ZNF704: variants seen among roughly 807,000 people sequenced by gnomAD.
ZNF704 encodes glucocorticoid induced gene 1.
Under a neutral mutation model 44.7 loss-of-function variants are expected in ZNF704, and 10 were observed. The ratio of observed to expected loss-of-function variants is 0.22; its 90% CI spans 0.14 to 0.38. The LOEUF is 0.38. Ranked by LOEUF, ZNF704 falls within the 10% of genes least tolerant of loss-of-function variation. The pLI, the probability that ZNF704 is intolerant of heterozygous loss-of-function variation, is 1.00. For missense variants in ZNF704, 390 were observed against 545.5 expected (o/e 0.71, Z 2.84); for synonymous variants, 211 against 207.6 (o/e 1.02, Z -0.14).
chr8:80,780,212 G>C (rs910276381), intron 2 of ZNF704, among the ~76,000 whole-genome samples: 1 of 152,084 alleles, frequency 6.6e-6, no homozygotes, highest in African/African-American at 2.4e-5. Flanking sequence ...AGAAGAAAGA[G>C]AAAGAAATGG....
chr8:80,872,990 C>T (rs928380434), intron 1 of ZNF704, among the ~76,000 whole-genome samples: 1 of 152,124 alleles, frequency 6.6e-6, no homozygotes, highest in Non-Finnish European at 1.5e-5. Context: ...TTGGATTTTG[C>T]TGTACTGGGT....
chr8:80,647,118 C>T (rs1817845658), intron 7 of ZNF704, among the ~76,000 whole-genome samples: 1 of 152,224 alleles, frequency 6.6e-6, no homozygotes, highest in Non-Finnish European at 1.5e-5. Flanking sequence ...GTGAACAAAA[C>T]AAATTCTCTG....
chr8:80,703,623 C>T (rs773875281), intron 2 of ZNF704, among the ~76,000 whole-genome samples: 8 of 152,140 alleles, frequency 5.3e-5, no homozygotes, highest in Non-Finnish European at 5.9e-5. Context: ...TACAGGCAAA[C>T]GCCACCATGC....
intron 1 of ZNF704, among the ~76,000 whole-genome samples, chr8:80,842,709 T>C (rs748293477): frequency 1.2e-4 from 18 of 152,198 alleles, no homozygotes; most frequent in Non-Finnish European, 2.1e-4. Context: ...TGGGGAGCCA[T>C]CAGTGTCTCT....
At chr8:80,795,496 T>C (rs1043726051) in intron 2 of ZNF704, among the ~76,000 whole-genome samples, 4 of 152,068 alleles carry the variant, frequency 2.6e-5, no homozygotes, top group Non-Finnish European at 5.9e-5. Context: ...GCCAAATATA[T>C]CCAGGACTGA....
At chr8:80,650,922 T>G (rs1817906995) in intron 7 of ZNF704, among the ~76,000 whole-genome samples, 1 of 152,166 alleles carries the variant, frequency 6.6e-6, no homozygotes. Context: ...GAGAGAAAGG[T>G]TGGGTTACCC....
intron 1 of ZNF704, among the ~76,000 whole-genome samples, chr8:80,869,611 T>C (rs575609794): frequency 2.0e-5 from 3 of 152,230 alleles, no homozygotes; most frequent in Non-Finnish European, 4.4e-5. Flanking sequence ...TTTCCTCCTG[T>C]AGTTTTTTCT....
At chr8:80,835,543 A>G (rs1234090770) in intron 1 of ZNF704, among the ~76,000 whole-genome samples, 1 of 152,226 alleles carries the variant, frequency 6.6e-6, no homozygotes, top group Admixed American at 6.5e-5. Context: ...AGTCAGTTAC[A>G]TATTCATCTT....
rs996865470 is a variant in ZNF704, at chr8:80,639,407, A to T, written c.*1959T>A. 2 of 152,182 alleles carry T rather than the reference A, an allele frequency of 1.3e-5. No homozygotes were observed. The highest frequency in any genetic ancestry group is 4.8e-5 in the African/African-American group (2 of 41,416). The allele number at this position is 152,182 out of a possible 1,614,324, so 9.4% of individuals were successfully genotyped here. A position where few individuals can be genotyped will look rare whatever the true frequency, so the allele number is the denominator to read the frequency against. ...ACGTGTTAGAGTAGAGGAAACAAAC[A>T]CATTTCTGCGTTTAAAAAAATGCCA... is the stretch of plus-strand genomic sequence containing the variant. On this transcript the variant is annotated 3_prime_UTR_variant, in exon 9 of 9. Transcript: ENST00000327835.
chr8:80,669,429 C>A (rs1028496520), intron 5 of ZNF704, among the ~76,000 whole-genome samples: 3 of 152,150 alleles, frequency 2.0e-5, no homozygotes, highest in Non-Finnish European at 4.4e-5. Flanking sequence ...ATCTCCAGTG[C>A]TCTCCAGGCC....
chr8:80,782,656 G>A (rs1807548881), intron 2 of ZNF704, among the ~76,000 whole-genome samples: 1 of 152,212 alleles, frequency 6.6e-6, no homozygotes, highest in East Asian at 1.9e-4. Flanking sequence ...ACCAGAAGAG[G>A]AGGACGACCA....
chr8:80,882,758 A>G, the ZNF704 span, among the ~76,000 whole-genome samples: 2 of 152,002 alleles, frequency 1.3e-5, no homozygotes, highest in Admixed American at 6.5e-5. Context: ...AACGACTACT[A>G]TTTTTTTACT....
At chr8:80,718,387 C>T (rs1373247732) in intron 2 of ZNF704, among the ~76,000 whole-genome samples, 1 of 152,198 alleles carries the variant, frequency 6.6e-6, no homozygotes, top group Non-Finnish European at 1.5e-5. Flanking sequence ...CTGTCTCCAT[C>T]CCCTTTATCA....
chr8:80,809,023 G>A (rs565105468), intron 2 of ZNF704, among the ~76,000 whole-genome samples: 2 of 152,328 alleles, frequency 1.3e-5, no homozygotes, highest in Non-Finnish European at 2.9e-5. Context: ...TGGGTGCGGT[G>A]CCTGACATCT....
chr8:80,778,116 A>G (rs925754140), intron 2 of ZNF704, among the ~76,000 whole-genome samples: 2 of 152,148 alleles, frequency 1.3e-5, no homozygotes, highest in Non-Finnish European at 2.9e-5. Context: ...TGCAAACCAC[A>G]CATCTGATAA....
chr8:80,757,866 G>A (rs942061536), intron 2 of ZNF704, among the ~76,000 whole-genome samples: 3 of 152,178 alleles, frequency 2.0e-5, no homozygotes, highest in Non-Finnish European at 2.9e-5. Flanking sequence ...TAGGTGTATA[G>A]TAGCCTCTAC....
At chr8:80,820,845 G>A (rs967059587) in intron 2 of ZNF704, among the ~76,000 whole-genome samples, 3 of 152,058 alleles carry the variant, frequency 2.0e-5, no homozygotes, top group African/African-American at 4.8e-5. Context: ...GTTCAAGGCC[G>A]CAGTGAGCTA....
At chr8:80,788,596 C>T (rs1238948409) in intron 2 of ZNF704, among the ~76,000 whole-genome samples, 1 of 152,098 alleles carries the variant, frequency 6.6e-6, no homozygotes, top group Non-Finnish European at 1.5e-5. Context: ...TTGTGTCTGC[C>T]TGGCAAAAAG....
In ZNF704 at chr8:80,631,598, C is replaced by CT. The variant is rs1022857023; in HGVS notation, c.*9767dup. 1 of 152,216 alleles carries CT rather than the reference C, an allele frequency of 6.6e-6. No homozygotes were observed. Among genetic ancestry groups the CT allele is most frequent in the African/African-American group, 2.4e-5 (1 of 41,436 alleles). The allele number at this position is 152,216 out of a possible 1,614,324, so 9.4% of individuals were successfully genotyped here. A position where few individuals can be genotyped will look rare whatever the true frequency, so the allele number is the denominator to read the frequency against. ...GCTCACATTCCTGGTTCTGATCACT[C>CT]TATTAGCCTCGCACGTGGAGAGGAC... On this transcript the variant is annotated 3_prime_UTR_variant, in exon 9 of 9. Coordinates refer to ENST00000327835, the MANE Select transcript of ZNF704 (RefSeq NM_001033723.3).
Sources: gnomAD v4.1 joint callset for allele counts (sites outside exome capture counted in the v4.1 genomes callset) on GRCh38, gnomAD v4.1.1 for gene constraint, MANE v1.5 for transcripts, NCBI Gene and HGNC (gene_info 2026-07-23, HGNC 2026-07-21) for gene names.